CNTNAP5: variants seen among roughly 807,000 people sequenced by gnomAD.
CNTNAP5 encodes the protein contactin associated protein family member 5, also known as contactin-associated protein-like 5.
Under a neutral mutation model 150.2 loss-of-function variants are expected in CNTNAP5, and 72 were observed. That is an observed-to-expected ratio of 0.48 (90% confidence interval 0.40 to 0.58). CNTNAP5 has a LOEUF of 0.58. Ranked by LOEUF, CNTNAP5 falls within the 20% of genes least tolerant of loss-of-function variation. CNTNAP5 has a pLI of 0.00. For synonymous variants in CNTNAP5, 672 were observed against 619.8 expected, an observed-to-expected ratio of 1.08 and a Z score of -1.25; for missense variants, 1,636 against 1,626.2, an observed-to-expected ratio of 1.01 and a Z score of -0.10.
At chr2:124,025,819 G>C in intron 1 of CNTNAP5, 87 bp downstream of exon 1, 3 of 1,134,300 alleles carry the variant, frequency 2.6e-6, no homozygotes, top group Non-Finnish European at 4.0e-6. Context: ...GTACTCGATT[G>C]TGTCTGCTTT....
At chr2:124,897,718 G>A (rs1840206) in intron 21 of CNTNAP5, among the ~76,000 whole-genome samples, 71,149 of 151,224 alleles carry the variant, frequency 0.47, 17,650 homozygotes, top group African/African-American at 0.5. Flanking sequence ...AAAAAAGGGT[G>A]GAGGGGGCCT....
chr2:124,492,926 T>C, intron 7 of CNTNAP5, among the ~76,000 whole-genome samples: 2 of 152,280 alleles, frequency 1.3e-5, no homozygotes, highest in Admixed American at 1.3e-4. Flanking sequence ...ATAGATAATT[T>C]ACTTCTTTCT....
intron 12 of CNTNAP5, among the ~76,000 whole-genome samples, chr2:124,620,557 T>C (rs1256526257): frequency 6.6e-6 from 1 of 152,178 alleles, no homozygotes; most frequent in Non-Finnish European, 1.5e-5. Flanking sequence ...ACATTCTAGC[T>C]GTATGACCTT....
At chr2:124,622,649 A>T (rs1396042907) in intron 12 of CNTNAP5, among the ~76,000 whole-genome samples, 1 of 151,818 alleles carries the variant, frequency 6.6e-6, no homozygotes, top group Non-Finnish European at 1.5e-5. Flanking sequence ...TTACTTTTTA[A>T]TTGTAGCCAT....
At chr2:124,174,527 A>G (rs1294516390) in intron 1 of CNTNAP5, among the ~76,000 whole-genome samples, 1 of 152,216 alleles carries the variant, frequency 6.6e-6, no homozygotes, top group Non-Finnish European at 1.5e-5. Flanking sequence ...GATGTGGTGG[A>G]AAGAGCTAGA....
At chr2:124,632,533 G>A (rs939611896) in intron 12 of CNTNAP5, among the ~76,000 whole-genome samples, 3 of 151,648 alleles carry the variant, frequency 2.0e-5, no homozygotes, top group Admixed American at 6.6e-5. Context: ...GAGGGGAACA[G>A]CACTTATTGG....
chr2:124,808,082 T>C (rs1049266202), intron 19 of CNTNAP5, among the ~76,000 whole-genome samples: 1 of 152,172 alleles, frequency 6.6e-6, no homozygotes, highest in African/African-American at 2.4e-5. Flanking sequence ...CCAGCTCCGA[T>C]ACCCACCAGC....
intron 13 of CNTNAP5, among the ~76,000 whole-genome samples, chr2:124,707,018 G>A (rs199989527): frequency 0.022 from 1,644 of 74,112 alleles, 194 homozygotes; most frequent in Middle Eastern, 0.082. Flanking sequence ...GGAGGAGGAG[G>A]AGAAGAAGAA....
rs545652880 is a variant in CNTNAP5 at position 124,580,680 on chromosome 2, C to T, written c.1756+17357C>T. Reference sequence around the variant, plus strand: ...TTTGGTCATGATGCCCAGAAGGGTGCAGTCTCCGTCTCTCTCTCTCAGCTG... The same window carrying T: ...TTTGGTCATGATGCCCAGAAGGGTGTAGTCTCCGTCTCTCTCTCTCAGCTG... On this transcript the variant is annotated intron_variant, in intron 11 of 23. Transcript: ENST00000682447. Among the ~76,000 whole-genome samples, 4 of 152,338 alleles carry T rather than the reference C, an allele frequency of 2.6e-5. No individual in the cohort carries two copies. The East Asian group carries it at 7.7e-4, about 29-fold the overall frequency.
At chr2:124,710,854 CTT>C (rs66776474) in intron 13 of CNTNAP5, among the ~76,000 whole-genome samples, 24,730 of 152,186 alleles carry the variant, frequency 0.16, 2,271 homozygotes, top group East Asian at 0.24. Flanking sequence ...GAAAACCTCT[CTT>C]TGGGTGTTCT....
chr2:124,451,245 A>T (rs556064571), intron 6 of CNTNAP5, among the ~76,000 whole-genome samples: 1 of 151,214 alleles, frequency 6.6e-6, no homozygotes, highest in Non-Finnish European at 1.5e-5. Flanking sequence ...AGTCAAAAAA[A>T]CAAACAAAAA....
At chr2:124,445,504 G>A (rs979057101) in intron 5 of CNTNAP5, among the ~76,000 whole-genome samples, 1 of 152,170 alleles carries the variant, frequency 6.6e-6, no homozygotes, top group Non-Finnish European at 1.5e-5. Flanking sequence ...CAGAAGTTGT[G>A]GAACAAACCA....
chr2:124,401,691 A>T (rs754390251), intron 3 of CNTNAP5, among the ~76,000 whole-genome samples: 2 of 152,218 alleles, frequency 1.3e-5, no homozygotes, highest in Non-Finnish European at 2.9e-5. Context: ...TACGTTATTG[A>T]TGGAGGAGAT....
At chr2:124,044,880 T>C (rs569473559) in intron 1 of CNTNAP5, among the ~76,000 whole-genome samples, 1 of 127,198 alleles carries the variant, frequency 7.9e-6, no homozygotes, top group South Asian at 2.8e-4. Context: ...GAAGCAATGG[T>C]AGTGAGGAAA....
At chr2:124,395,230 G>T (rs1226082781) in intron 3 of CNTNAP5, among the ~76,000 whole-genome samples, 1 of 152,154 alleles carries the variant, frequency 6.6e-6, no homozygotes, top group Non-Finnish European at 1.5e-5. Flanking sequence ...AGTACCATGA[G>T]AGATGGAGAA....
At chr2:124,614,299 GT>G (rs1252052866) in intron 12 of CNTNAP5, among the ~76,000 whole-genome samples, 2 of 152,104 alleles carry the variant, frequency 1.3e-5, no homozygotes, top group African/African-American at 2.4e-5. Flanking sequence ...CCGCAAAGGG[GT>G]CCTGATCCAG....
intron 4 of CNTNAP5, among the ~76,000 whole-genome samples, chr2:124,429,984 A>T (rs574923586): frequency 2.3e-4 from 35 of 152,312 alleles, no homozygotes; most frequent in African/African-American, 8.4e-4. Flanking sequence ...CAAACAGCGT[A>T]CATCTGGCCC....
chr2:124,918,949 G>A lies in CNTNAP5; in HGVS notation c.*4661G>A, dbSNP rs1222536612. 6.6e-6 allele frequency among the ~76,000 whole-genome samples: 1 copy of A among 152,152 alleles called. No individual in the cohort carries two copies. Among genetic ancestry groups the A allele is most frequent in the African/African-American group, 2.4e-5 (1 of 41,542 alleles). On this transcript the variant is annotated 3_prime_UTR_variant, in exon 24 of 24. Transcript: ENST00000682447. ...ATGTTTTCTTTAAAATACACATAAT[G>A]TAATTGAATTATTTCTATATACTGT... is the stretch of plus-strand genomic sequence containing the variant.
intron 1 of CNTNAP5, among the ~76,000 whole-genome samples, chr2:124,155,075 G>GTTTT (rs36194209): frequency 2.7e-4 from 22 of 81,328 alleles, no homozygotes; most frequent in African/African-American, 5.8e-4. Flanking sequence ...AACCATTCCC[G>GTTTT]TTTTTTTTTT....
Sources: allele counts gnomAD v4.1 joint callset (sites outside exome capture counted in the v4.1 genomes callset), GRCh38; gene constraint gnomAD v4.1.1; transcripts MANE v1.5; gene names NCBI Gene and HGNC (gene_info 2026-07-23, HGNC 2026-07-21).